The following FLG variants were observed in gnomAD, a reference collection of about 807,000 sequenced individuals.
FLG encodes epidermal filaggrin.
A neutral mutation model predicts 3.8 loss-of-function variants in FLG; 6 were observed. The observed-to-expected ratio is 1.60, with a 90% CI of 0.87 to 3.15. The LOEUF (loss-of-function observed/expected upper bound fraction) is 3.15, where lower values mean the gene tolerates loss of function less well. Ranked by LOEUF, FLG falls within the 30% of genes most tolerant of loss-of-function variation. The pLI is 0.00. For synonymous variants in FLG, 2,551 were observed against 1,931.6 expected (o/e 1.32, Z -8.41); for missense variants, 7,595 against 5,050.9 (o/e 1.50, Z -15.27).
At position 152,304,418 on chromosome 1, in the gene FLG, G is replaced by A. The variant is rs113933537; in HGVS notation, c.10468C>T (p.Arg3490Cys). ...SGSRSASRQTRNDEQSGDGSR... is the reference protein window; with the variant it reads ...SGSRSASRQTCNDEQSGDGSR... ...CCATCTCCTGATTGTTCGTCATTAC[G>A]AGTTTGTCTGCTGGCACTTCTGGAT... Residue 3490 changes from arginine (R) to cysteine (C), a missense_variant, in exon 3 of 3, where the codon CGT (arginine) becomes TGT (cysteine). Transcript: ENST00000368799. 3.6e-4 allele frequency: 583 copies of A among 1,611,724 alleles called. 10 individuals are homozygous for A. In the African/African-American group the frequency reaches 5.4e-3, roughly 15 times the overall value.
chr1:152,318,009 T>C (rs1204385618), intron 1 of FLG, among the ~76,000 whole-genome samples: 1 of 151,992 alleles, frequency 6.6e-6, no homozygotes, highest in Non-Finnish European at 1.5e-5. Context: ...CTAAAATTAG[T>C]CAGTTTTCCC....
Position 152,302,474 on chromosome 1 carries a change from C to G in FLG, c.*226G>C. 1 of 570,970 alleles carries G rather than the reference C, an allele frequency of 1.8e-6. No homozygotes were observed. Among genetic ancestry groups the G allele is most frequent in the African/African-American group, 1.9e-5 (1 of 53,468 alleles). The allele number at this position is 570,970 out of a possible 1,614,324, so 35.4% of individuals were successfully genotyped here. ...ACTCCAGCTAGTTTTCTAAAGTTAG[C>G]TCTCCATGATATTGATTTCTTCCAT... On this transcript the variant is annotated 3_prime_UTR_variant, in exon 3 of 3. Transcript: ENST00000368799.
In FLG at chr1:152,313,370, G is replaced by A. The variant is rs374910442; in HGVS notation, c.1516C>T (p.His506Tyr). ...HHEQARDSSR[H>Y]SASQEGQDTI... ...TCCTGACCCTCTTGGGACGCTGAAT[G>A]CCTGGAGCTGTCTCGTGCCTGCTCG... Residue 506 changes from histidine (H) to tyrosine (Y), a missense_variant, in exon 3 of 3, where the codon CAT becomes TAT. His to Tyr is a moderately conservative substitution (Grantham distance 83). Transcript: ENST00000368799. 2.5e-5 allele frequency: 41 copies of A among 1,613,526 alleles called. No individual in the cohort carries two copies. The African/African-American group carries it at 3.7e-4, about 15-fold the overall frequency.
rs536820015 is a variant in FLG at position 152,313,109 on chromosome 1, A to C, written c.1777T>G (p.Ser593Ala). ...GAGTGTCTAGAGCTGTCAGCCTGAGAGGAAGCTTCATGATGACGTGACCCT... is the reference window on the plus strand; with the variant it reads ...GAGTGTCTAGAGCTGTCAGCCTGAGCGGAAGCTTCATGATGACGTGACCCT... ...HSGSRHHEASSQADSSRHSQV... is the reference protein window; with the variant it reads ...HSGSRHHEASAQADSSRHSQV... The change falls in exon 3 of 3, where the codon TCT (serine) becomes GCT (alanine). Residue 593 changes from serine (S) to alanine (A), a missense_variant. Coordinates refer to ENST00000368799, the MANE Select transcript of FLG (RefSeq NM_002016.2). The C allele has an allele frequency of 3.9e-5, 63 of 1,613,766 alleles. 1 individual carries two copies. The highest frequency in any genetic ancestry group is 1.6e-4 in the Middle Eastern group (1 of 6,062).
chr1:152,305,159 C>T lies in FLG; in HGVS notation c.9727G>A (p.Val3243Ile), dbSNP rs1438340256. 12 of 1,613,812 alleles carry T rather than the reference C, an allele frequency of 7.4e-6. No homozygotes were observed. The highest frequency in any genetic ancestry group is 1.3e-5 in the African/African-American group (1 of 74,876). ...GSASRNHRGS[V>I]QEQSRHGSRH... ...GAGCCGTGCCTTGACTGCTCCTGAACAGATCCACGATGGTTTCTGGAAGCA... is the reference window on the plus strand; with the variant it reads ...GAGCCGTGCCTTGACTGCTCCTGAATAGATCCACGATGGTTTCTGGAAGCA... The change falls in exon 3 of 3, where the codon GTT becomes ATT. Residue 3243 changes from valine (V) to isoleucine (I), a missense_variant. Physicochemically the swap from Val to Ile is conservative, Grantham distance 29. Coordinates refer to ENST00000368799, the MANE Select transcript of FLG (RefSeq NM_002016.2).
chr1:152,314,683 T>A lies in FLG; in HGVS notation c.203A>T (p.Lys68Ile). Residue 68 changes from lysine to isoleucine, a missense_variant, in exon 3 of 3, where the codon AAA becomes ATA. By Grantham distance (102) the Lys-to-Ile change is moderately radical (BLOSUM62 -3). Transcript: ENST00000368799. ...MDHLDIDHNK[K>I]IDFTEFLLMV... Reference sequence around the variant, plus strand: ...CAGAAGAAACTCAGTGAAGTCAATTTTCTTGTTGTGGTCTATATCCAAGTG... The same window carrying A: ...CAGAAGAAACTCAGTGAAGTCAATTATCTTGTTGTGGTCTATATCCAAGTG... 3 of 1,614,116 alleles carry A rather than the reference T, an allele frequency of 1.9e-6. No individual in the cohort carries two copies. The highest frequency in any genetic ancestry group is 2.5e-6 in the Non-Finnish European group (3 of 1,179,980).
At position 152,311,852 on chromosome 1, in the gene FLG, T is replaced by C. The variant is rs939482778; in HGVS notation, c.3034A>G (p.Thr1012Ala). The stretch of plus-strand genomic sequence containing the variant: ...GACGCAGCCTGTCCACCAGAGGAAG[T>C]CTCTGCGTGAGGAGTTCCTGATTGT... Reference protein sequence around the residue: ...SRQSGTPHAETSSGGQAASSH... With the variant: ...SRQSGTPHAEASSGGQAASSH... Residue 1012 changes from threonine to alanine, a missense_variant, in exon 3 of 3, where the codon ACT (threonine) becomes GCT (alanine). Transcript: ENST00000368799. 1 of 1,613,974 alleles carries C rather than the reference T, an allele frequency of 6.2e-7. No homozygotes were observed. Among genetic ancestry groups the C allele is most frequent in the South Asian group, 1.1e-5 (1 of 91,060 alleles).
At position 152,310,838 on chromosome 1, in the gene FLG, T is replaced by C; in HGVS notation, c.4048A>G (p.Arg1350Gly). 6.2e-7 allele frequency: 1 copy of C among 1,611,842 alleles called. No homozygotes were observed. The highest frequency in any genetic ancestry group is 8.5e-7 in the Non-Finnish European group (1 of 1,179,036). ...GQAVSSHEQARSSPGERHGSR... is the reference protein window; with the variant it reads ...GQAVSSHEQAGSSPGERHGSR... ...CCATGTCTTTCTCCTGGACTTGATC[T>C]TGCCTGTTCATGGGATGACACAGCC... Residue 1350 changes from arginine to glycine, a missense_variant, in exon 3 of 3, where the codon AGA (arginine) becomes GGA (glycine). Arg to Gly is a moderately radical substitution (Grantham distance 125, BLOSUM62 -2). Coordinates refer to ENST00000368799, the MANE Select transcript of FLG (RefSeq NM_002016.2).
chr1:152,314,197 G>A lies in FLG; in HGVS notation c.689C>T (p.Ser230Leu), dbSNP rs770789381. Residue 230 changes from serine to leucine, a missense_variant, in exon 3 of 3, where the codon TCA (serine) becomes TTA (leucine). Physicochemically the swap from Ser to Leu is moderately radical, Grantham distance 145. Transcript: ENST00000368799. ...TGRMTQKWIQ[S>L]GHIATYYTIQ... ...TGTGTAATATGTGGCAATATGGCCT[G>A]ATTGTATCCATTTTTGAGTCATTCT... 12 of 1,613,868 alleles carry A rather than the reference G, an allele frequency of 7.4e-6. No homozygotes were observed. Among genetic ancestry groups the A allele is most frequent in the Non-Finnish European group, 1.0e-5 (12 of 1,180,006 alleles).
chr1:152,312,784 C>A lies in FLG; in HGVS notation c.2102G>T (p.Arg701Ile). The A allele has an allele frequency of 6.2e-7, 1 of 1,614,022 alleles. No homozygotes were observed. Among genetic ancestry groups the A allele is most frequent in the Non-Finnish European group, 8.5e-7 (1 of 1,180,014 alleles). The change falls in exon 3 of 3, where the codon AGA (arginine) becomes ATA (isoleucine). Residue 701 changes from arginine (R) to isoleucine (I), a missense_variant. By Grantham distance (97) the Arg-to-Ile change is moderately conservative. Coordinates refer to ENST00000368799, the MANE Select transcript of FLG (RefSeq NM_002016.2). ...GQAASSHEQA[R>I]SSAGERHGSR... ...TCCATGTCTTTCTCCTGCACTTGAT[C>A]TTGCCTGTTCATGGGATGACGCAGC...
Position 152,310,109 on chromosome 1 carries a change from T to C in FLG, c.4777A>G (p.Ser1593Gly). The part of the protein sequence containing the change: ...GSKTSRRQGS[S>G]VSQDRDSEGH... ...TCACTGTCCCTGTCCTGACTAACACTGGATCCCTGGCGCCTGCTTGTCTTG... is the reference window on the plus strand; with the variant it reads ...TCACTGTCCCTGTCCTGACTAACACCGGATCCCTGGCGCCTGCTTGTCTTG... Residue 1593 changes from serine (S) to glycine (G), a missense_variant, in exon 3 of 3, where the codon AGT becomes GGT. Ser to Gly is a moderately conservative substitution (Grantham distance 56). Coordinates refer to ENST00000368799, the MANE Select transcript of FLG (RefSeq NM_002016.2). 6.2e-7 allele frequency: 1 copy of C among 1,614,022 alleles called. No individual in the cohort carries two copies.
At chr1:152,323,418 G>C (rs1325959864) in intron 1 of FLG, among the ~76,000 whole-genome samples, 1 of 151,602 alleles carries the variant, frequency 6.6e-6, no homozygotes, top group Non-Finnish European at 1.5e-5. Context: ...AATCTGTCCT[G>C]AATATAAAAA....
Position 152,311,413 on chromosome 1 carries a change from G to A in FLG, c.3473C>T (p.Ser1158Phe), listed in dbSNP as rs1218868814. 14 of 1,613,646 alleles carry A rather than the reference G, an allele frequency of 8.7e-6. No homozygotes were observed. The highest frequency in any genetic ancestry group is 1.7e-5 in the Admixed American group (1 of 59,962). The change falls in exon 3 of 3, where the codon TCC (serine) becomes TTC (phenylalanine). Residue 1158 changes from serine to phenylalanine, a missense_variant. Physicochemically the swap from Ser to Phe is radical, Grantham distance 155 (BLOSUM62 -2). Coordinates refer to ENST00000368799, the MANE Select transcript of FLG (RefSeq NM_002016.2). ...ACGAATGGTGTCCTGACCCTCTTGGGACGCTGAGTGCCTGGAGCTGTCTCG... is the reference window on the plus strand; with the variant it reads ...ACGAATGGTGTCCTGACCCTCTTGGAACGCTGAGTGCCTGGAGCTGTCTCG... ...QARDSSRHSA[S>F]QEGQDTIRAH...
rs780063414 is a variant in FLG, at chr1:152,307,378, G to A, written c.7508C>T (p.Ala2503Val). 8 of 1,613,042 alleles carry A rather than the reference G, an allele frequency of 5.0e-6. No individual in the cohort carries two copies. The highest frequency in any genetic ancestry group is 1.3e-5 in the African/African-American group (1 of 74,726). Reference protein sequence around the residue: ...SHTTSQGRSDASHGHSGSRSA... With the variant: ...SHTTSQGRSDVSHGHSGSRSA... ...TCTGGATCCTGAGTGCCCATGGGAG[G>A]CATCAGACCTTCCCTGGGATGTGGT... The change falls in exon 3 of 3, where the codon GCC becomes GTC. Residue 2503 changes from alanine to valine, a missense_variant. Ala to Val is a moderately conservative substitution (Grantham distance 64). Coordinates refer to ENST00000368799, the MANE Select transcript of FLG (RefSeq NM_002016.2).
In FLG at chr1:152,310,149, T is replaced by A. The variant is rs142803210; in HGVS notation, c.4737A>T (p.Gly1579=). 5.5e-5 allele frequency: 89 copies of A among 1,613,748 alleles called. 1 individual carries two copies. The highest frequency in any genetic ancestry group is 7.3e-5 in the Non-Finnish European group (86 of 1,179,976). Residue 1579 remains glycine (G), a synonymous_variant, in exon 3 of 3, where the codon GGA becomes GGT. Transcript: ENST00000368799. The part of the protein sequence containing the change: ...GSSRHSQVGQ[G]ESAGSKTSRR... ...TGCTTGTCTTGGACCCCGCTGATTC[T>A]CCCTGGCCCACCTGTGAGTGTCTAG...
rs765632787 is a variant in FLG, at chr1:152,309,303, G to C, written c.5583C>G (p.Ser1861=). 6.2e-7 allele frequency: 1 copy of C among 1,613,690 alleles called. No individual in the cohort carries two copies. Among genetic ancestry groups the C allele is most frequent in the African/African-American group, 1.3e-5 (1 of 74,786 alleles). ...TACGTGTTTGTCTGCTGACACTTCT[G>C]GATCCTGACTGCCCACGGGAGACAT... ...RSDVSRGQSG[S]RSVSRQTRNE... Residue 1861 remains serine (S), a synonymous_variant, in exon 3 of 3, where the codon TCC becomes TCG. Transcript: ENST00000368799.
Position 152,310,065 on chromosome 1 carries a change from A to T in FLG, c.4821T>A (p.Ser1607=), listed in dbSNP as rs1652284874. 2 of 1,612,200 alleles carry T rather than the reference A, an allele frequency of 1.2e-6. No individual in the cohort carries two copies. The highest frequency in any genetic ancestry group is 1.3e-5 in the African/African-American group (1 of 74,322). Residue 1607 remains serine (S), a synonymous_variant, in exon 3 of 3, where the codon TCT becomes TCA. Transcript: ENST00000368799. ...DRDSEGHSED[S]ERRSESASRN... is the part of the protein sequence containing the mutation. Reference sequence around the variant, plus strand: ...TGGAAGCCGACTCAGACCGCCTCTCAGAGTCTTCTGAGTGTCCCTCACTGT... The same window carrying T: ...TGGAAGCCGACTCAGACCGCCTCTCTGAGTCTTCTGAGTGTCCCTCACTGT...
rs1257334738 is a variant in FLG, at chr1:152,309,566, G to A, written c.5320C>T (p.Gln1774Ter). ...SFLYQVSTHEQSESAHGRTGP... is the reference protein window; with the variant it reads ...SFLYQVSTHE ...GTGCGTCCATGGGCGGACTCAGACT[G>A]TTCATGAGTGCTCACCTGGTAGAGG... The change falls in exon 3 of 3, where the codon CAG (glutamine) becomes TAG (stop). Residue 1774 changes from glutamine to a stop codon, truncating the protein, a stop_gained. Coordinates refer to ENST00000368799, the MANE Select transcript of FLG (RefSeq NM_002016.2). LOFTEE classifies it low-confidence loss of function (END_TRUNC). The A allele has an allele frequency of 8.7e-6, 14 of 1,613,922 alleles. No individual in the cohort carries two copies. Among genetic ancestry groups the A allele is most frequent in the Non-Finnish European group, 1.2e-5 (14 of 1,179,976 alleles).
In FLG at chr1:152,314,209, T is replaced by A; in HGVS notation, c.677A>T (p.Lys226Ile). ...GGCAATATGGCCTGATTGTATCCATTTTTGAGTCATTCTTCCTGTATTTTC... is the reference window on the plus strand; with the variant it reads ...GGCAATATGGCCTGATTGTATCCATATTTGAGTCATTCTTCCTGTATTTTC... ...DYENTGRMTQ[K>I]WIQSGHIATY... Residue 226 changes from lysine (K) to isoleucine (I), a missense_variant, in exon 3 of 3, where the codon AAA (lysine) becomes ATA (isoleucine). Lys to Ile is a moderately radical substitution (Grantham distance 102). Coordinates refer to ENST00000368799, the MANE Select transcript of FLG (RefSeq NM_002016.2). 6.2e-7 allele frequency: 1 copy of A among 1,614,014 alleles called. No homozygotes were observed. Among genetic ancestry groups the A allele is most frequent in the Non-Finnish European group, 8.5e-7 (1 of 1,179,982 alleles).
Sources: allele counts gnomAD v4.1 joint callset (sites outside exome capture counted in the v4.1 genomes callset), GRCh38; gene constraint gnomAD v4.1.1; transcripts MANE v1.5; gene names NCBI Gene and HGNC (gene_info 2026-07-23, HGNC 2026-07-21).